RNGTT: variants seen among roughly 807,000 people sequenced by gnomAD.
The protein encoded by RNGTT is RNA guanylyltransferase and 5'-phosphatase.
Under a neutral mutation model 79.3 loss-of-function variants are expected in RNGTT, and 33 were observed. The ratio of observed to expected loss-of-function variants is 0.42; its 90% CI spans 0.32 to 0.56. The LOEUF (loss-of-function observed/expected upper bound fraction) is 0.56, where lower values mean the gene tolerates loss of function less well. Ranked by LOEUF, RNGTT falls within the 20% of genes least tolerant of loss-of-function variation. The probability of loss-of-function intolerance (pLI) is 0.17; values close to 1 mark genes in which losing one functional copy is unlikely to be tolerated. For missense variants in RNGTT, 497 were observed against 739.1 expected, an observed-to-expected ratio of 0.67 and a Z score of 3.80; for synonymous variants, 222 against 235.9, an observed-to-expected ratio of 0.94 and a Z score of 0.54.
At chr6:88,851,582 G>GAATT (rs138723400) in intron 9 of RNGTT, among the ~76,000 whole-genome samples, 5,020 of 152,068 alleles carry the variant, frequency 0.033, 122 homozygotes, top group South Asian at 0.12. Context: ...TGTTTCAAGT[G>GAATT]AATTAATGCA....
At chr6:88,901,505 T>TTTTTTTTTTTTTTTC (rs1783462156) in intron 6 of RNGTT, among the ~76,000 whole-genome samples, 1 of 123,968 alleles carries the variant, frequency 8.1e-6, no homozygotes, top group Non-Finnish European at 1.7e-5. Context: ...CTTTTTTTTT[T>TTTTTTTTTTTTTTTC]TTTTTTTTTT....
Position 88,612,888 on chromosome 6 carries a change from G to T in RNGTT, c.1631-6C>A, listed in dbSNP as rs1290159717. 6.2e-7 allele frequency: 1 copy of T among 1,612,228 alleles called. No individual in the cohort carries two copies. Among genetic ancestry groups the T allele is most frequent in the East Asian group, 2.2e-5 (1 of 44,848 alleles). On this transcript the variant is annotated splice_polypyrimidine_tract_variant and splice_region_variant and intron_variant, in intron 15 of 15. Transcript: ENST00000369485. ...TGAGATGCTGTTACACACAGCTGTG[G>T]ACAAAGGGAGACAGGTCTCATGTGA...
At chr6:88,677,179 C>G (rs2610728) in intron 14 of RNGTT, among the ~76,000 whole-genome samples, 40,508 of 150,678 alleles carry the variant, frequency 0.27, 9,486 homozygotes, top group African/African-American at 0.64. Context: ...AGGCAAAAAA[C>G]AGAACAAGTG....
At chr6:88,672,705 G>A (rs1562185492) in intron 14 of RNGTT, among the ~76,000 whole-genome samples, 1 of 152,048 alleles carries the variant, frequency 6.6e-6, no homozygotes, top group Non-Finnish European at 1.5e-5. Flanking sequence ...ACCTATTAAA[G>A]TAATAATTTT....
intron 10 of RNGTT, among the ~76,000 whole-genome samples, chr6:88,845,605 CCAACCTAA>C (rs1781459165): frequency 6.6e-6 from 1 of 152,162 alleles, no homozygotes; most frequent in African/African-American, 2.4e-5. Context: ...TGTATATTCT[CCAACCTAA>C]CATTTACTCA....
intron 14 of RNGTT, among the ~76,000 whole-genome samples, chr6:88,621,269 G>T (rs1017850632): frequency 6.6e-6 from 1 of 152,112 alleles, no homozygotes; most frequent in African/African-American, 2.4e-5. Context: ...GTACAAAACA[G>T]AATTTCTATG....
intron 13 of RNGTT, among the ~76,000 whole-genome samples, chr6:88,735,376 A>G (rs1378249939): frequency 6.6e-6 from 1 of 152,088 alleles, no homozygotes; most frequent in Non-Finnish European, 1.5e-5. Context: ...TAGCAGAATA[A>G]ATATTTTTCT....
chr6:88,733,618 G>A (rs1239952751), intron 13 of RNGTT, among the ~76,000 whole-genome samples: 1 of 149,308 alleles, frequency 6.7e-6, no homozygotes, highest in Non-Finnish European at 1.5e-5. Context: ...CACCGAGCAG[G>A]ATAAAAACTG....
In RNGTT at chr6:88,946,806, C is replaced by T. The variant is rs1009675317; in HGVS notation, c.65-5626G>A. 4.0e-4 allele frequency among the ~76,000 whole-genome samples: 58 copies of T among 144,720 alleles called. No individual in the cohort carries two copies. In the East Asian group the frequency reaches 7.2e-3, roughly 18 times the overall value. 94.9% of individuals were successfully genotyped at this position (144,720 alleles called of 152,430 possible). A position where few individuals can be genotyped will look rare whatever the true frequency, so the allele number is the denominator to read the frequency against. Reference sequence around the variant, plus strand: ...AATGCCTGCGATTGCAGGCACGCGCCGCCACGCCTGACTGGTTTTGGTGGA... The same window carrying T: ...AATGCCTGCGATTGCAGGCACGCGCTGCCACGCCTGACTGGTTTTGGTGGA... On this transcript the variant is annotated intron_variant, in intron 1 of 15. Transcript: ENST00000369485.
intron 13 of RNGTT, among the ~76,000 whole-genome samples, chr6:88,718,071 T>G (rs193199866): frequency 6.6e-6 from 1 of 152,174 alleles, no homozygotes; most frequent in Non-Finnish European, 1.5e-5. Context: ...TTACAGAAAT[T>G]CACAAGAAAG....
intron 8 of RNGTT, among the ~76,000 whole-genome samples, chr6:88,854,282 A>G (rs1201913883): frequency 6.6e-6 from 1 of 152,128 alleles, no homozygotes; most frequent in Non-Finnish European, 1.5e-5. Flanking sequence ...AACACAGAGT[A>G]TAGGGAATTC....
chr6:88,792,684 A>C (rs1309546301), intron 12 of RNGTT, among the ~76,000 whole-genome samples: 7 of 152,340 alleles, frequency 4.6e-5, no homozygotes, highest in African/African-American at 1.7e-4. Flanking sequence ...TTGGCAAATC[A>C]AAAGTCTGAA....
At chr6:88,949,399 C>G (rs1785168564) in intron 1 of RNGTT, among the ~76,000 whole-genome samples, 1 of 151,498 alleles carries the variant, frequency 6.6e-6, no homozygotes, top group South Asian at 2.1e-4. Flanking sequence ...GTAGCTGGGA[C>G]TACAGGTGAG....
intron 13 of RNGTT, among the ~76,000 whole-genome samples, chr6:88,707,826 A>C (rs1043002223): frequency 1.3e-5 from 2 of 151,936 alleles, no homozygotes; most frequent in Non-Finnish European, 2.9e-5. Context: ...AATCATGATA[A>C]ATGCTATTAC....
intron 6 of RNGTT, among the ~76,000 whole-genome samples, chr6:88,897,181 C>T (rs909035101): frequency 1.3e-5 from 2 of 152,190 alleles, no homozygotes; most frequent in African/African-American, 2.4e-5. Context: ...GAACCTATGG[C>T]TGATTACTTC....
chr6:88,615,092 C>T (rs375536950), intron 14 of RNGTT, among the ~76,000 whole-genome samples: 5 of 152,268 alleles, frequency 3.3e-5, no homozygotes, highest in African/African-American at 1.2e-4. Flanking sequence ...AACTACGAAC[C>T]TTTTAAAAGA....
chr6:88,935,376 A>G (rs1784633651), intron 2 of RNGTT, among the ~76,000 whole-genome samples: 1 of 152,116 alleles, frequency 6.6e-6, no homozygotes, highest in Non-Finnish European at 1.5e-5. Flanking sequence ...CCTTTTGCTC[A>G]AGATTGCTTT....
intron 1 of RNGTT, among the ~76,000 whole-genome samples, chr6:88,948,592 C>T (rs2127962229): frequency 6.8e-6 from 1 of 147,518 alleles, no homozygotes; most frequent in South Asian, 2.2e-4. Flanking sequence ...TGCCCGGCCA[C>T]CACCCCGTCT....
At chr6:88,865,602 G>A (rs1389547650) in intron 8 of RNGTT, among the ~76,000 whole-genome samples, 3 of 152,066 alleles carry the variant, frequency 2.0e-5, no homozygotes, top group African/African-American at 7.2e-5. Flanking sequence ...ATTTTTCTAT[G>A]AATAGGTATA....
Sources: gnomAD v4.1 joint callset for allele counts (sites outside exome capture counted in the v4.1 genomes callset) on GRCh38, gnomAD v4.1.1 for gene constraint, MANE v1.5 for transcripts, NCBI Gene and HGNC (gene_info 2026-07-23, HGNC 2026-07-21) for gene names.